The following HACE1 variants were observed in gnomAD, a reference collection of about 807,000 sequenced individuals.
HACE1 encodes E3 ubiquitin-protein ligase HACE1.
HACE1 carries 73 observed loss-of-function variants against 118.4 expected under a neutral mutation model. The ratio of observed to expected loss-of-function variants is 0.62; its 90% confidence interval spans 0.51 to 0.75. The LOEUF (loss-of-function observed/expected upper bound fraction) is 0.75. Ranked by LOEUF, HACE1 falls within the 30% of genes least tolerant of loss-of-function variation. The probability of loss-of-function intolerance (pLI) is 0.00; values close to 1 mark genes in which losing one functional copy is unlikely to be tolerated. For missense variants in HACE1, 749 were observed against 1,102.2 expected (o/e 0.68, Z 4.54); for synonymous variants, 368 against 374.8 (o/e 0.98, Z 0.21).
At chr6:104,804,083 G>C (rs1246945810) in intron 7 of HACE1, among the ~76,000 whole-genome samples, 1 of 152,068 alleles carries the variant, frequency 6.6e-6, no homozygotes, top group African/African-American at 2.4e-5. Context: ...GACAAACAGA[G>C]AGCCAAATCA....
intron 22 of HACE1, chr6:104,732,457 T>A (rs967015094): frequency 6.6e-6 from 1 of 152,094 alleles, no homozygotes; most frequent in Non-Finnish European, 1.5e-5. Context: ...AAAGGACAAA[T>A]ATTGTATGAT....
At chr6:104,778,811 CA>C (rs550961858) in intron 14 of HACE1, among the ~76,000 whole-genome samples, 11 of 140,184 alleles carry the variant, frequency 7.8e-5, no homozygotes, top group African/African-American at 1.8e-4. Flanking sequence ...CTTATCTCTA[CA>C]AAAAAAAAAG....
chr6:104,819,621 T>A (rs1349401416), intron 6 of HACE1, among the ~76,000 whole-genome samples: 1 of 152,164 alleles, frequency 6.6e-6, no homozygotes, highest in African/African-American at 2.4e-5. Flanking sequence ...GGCATCACGC[T>A]ACCCAACTTA....
intron 19 of HACE1, among the ~76,000 whole-genome samples, chr6:104,762,719 G>A (rs565318771): frequency 1.9e-4 from 29 of 151,968 alleles, no homozygotes; most frequent in Non-Finnish European, 3.4e-4. Flanking sequence ...GGCCGGGCGC[G>A]GTAGCTCACA....
In HACE1 at chr6:104,729,695, T is replaced by G; in HGVS notation, c.2697A>C (p.Leu899=). 6.4e-7 allele frequency: 1 copy of G among 1,573,690 alleles called. No individual in the cohort carries two copies. The highest frequency in any genetic ancestry group is 8.7e-7 in the Non-Finnish European group (1 of 1,143,246). The change falls in exon 24 of 24, where the codon CTA becomes CTC. Residue 899 remains leucine, a synonymous_variant. Coordinates refer to ENST00000262903, the MANE Select transcript of HACE1 (RefSeq NM_020771.4). ...EILKDRLLVA[L]HCGSYGYTMA ...TTGTGTAACCATAGCTGCCACAATG[T>G]AGTGCCACAAGAAGTCTGTCCTTGA...
At chr6:104,837,633 C>A (rs148603174) in intron 5 of HACE1, among the ~76,000 whole-genome samples, 1 of 152,134 alleles carries the variant, frequency 6.6e-6, no homozygotes, top group African/African-American at 2.4e-5. Flanking sequence ...AAAAACTGAT[C>A]AATTTGACTT....
At position 104,859,728 on chromosome 6, in the gene HACE1, G is replaced by T; in HGVS notation, c.-86C>A. ...AGAGCCCTACATCTCGCCTGGGCCC[G>T]TCCAGCAGGCGGAGACGCGGGCTTG... On this transcript the variant is annotated 5_prime_UTR_variant, in exon 1 of 24. Coordinates refer to ENST00000262903, the MANE Select transcript of HACE1 (RefSeq NM_020771.4). 1 of 1,237,606 alleles carries T rather than the reference G, an allele frequency of 8.1e-7. No homozygotes were observed. The highest frequency in any genetic ancestry group is 1.1e-6 in the Non-Finnish European group (1 of 892,310). The allele number at this position is 1,237,606 out of a possible 1,614,324, so 76.7% of individuals were successfully genotyped here.
At chr6:104,830,755 A>ATTTT (rs1263525791) in intron 6 of HACE1, among the ~76,000 whole-genome samples, 1 of 116,950 alleles carries the variant, frequency 8.6e-6, no homozygotes, top group African/African-American at 4.3e-5. Flanking sequence ...AATAAATTAC[A>ATTTT]TTCTTTTTTT....
At chr6:104,856,298 GTAAT>G (rs1386337970) in intron 1 of HACE1, among the ~76,000 whole-genome samples, 1 of 152,156 alleles carries the variant, frequency 6.6e-6, no homozygotes, top group Non-Finnish European at 1.5e-5. Context: ...ATCACATGGA[GTAAT>G]TTTTTTAAAC....
intron 6 of HACE1, among the ~76,000 whole-genome samples, chr6:104,820,853 A>C (rs1051874551): frequency 4.6e-5 from 7 of 152,178 alleles, no homozygotes; most frequent in African/African-American, 1.7e-4. Context: ...ACCCAAAAGA[A>C]ATATAAATCA....
chr6:104,749,232 A>G (rs1464011804), intron 20 of HACE1, among the ~76,000 whole-genome samples: 1 of 152,142 alleles, frequency 6.6e-6, no homozygotes, highest in African/African-American at 2.4e-5. Context: ...AGGTCTAATA[A>G]TATAATAGCT....
intron 11 of HACE1, among the ~76,000 whole-genome samples, chr6:104,787,578 A>G (rs147402248): frequency 1.2e-4 from 19 of 152,352 alleles, no homozygotes; most frequent in African/African-American, 4.1e-4. Flanking sequence ...GCTTGAAACA[A>G]AAAGAAAAAA....
At chr6:104,802,412 A>C (rs1030309675) in intron 7 of HACE1, among the ~76,000 whole-genome samples, 2 of 152,196 alleles carry the variant, frequency 1.3e-5, no homozygotes, top group African/African-American at 4.8e-5. Flanking sequence ...AACAGAATAT[A>C]CATTCTTCTC....
At chr6:104,759,943 A>G (rs1275927581) in intron 19 of HACE1, among the ~76,000 whole-genome samples, 1 of 152,198 alleles carries the variant, frequency 6.6e-6, no homozygotes, top group African/African-American at 2.4e-5. Context: ...AAACTAGAAA[A>G]TCCAGAAGAA....
intron 22 of HACE1, among the ~76,000 whole-genome samples, chr6:104,737,643 C>A (rs1350089320): frequency 1.3e-5 from 2 of 152,156 alleles, no homozygotes; most frequent in Non-Finnish European, 2.9e-5. Flanking sequence ...CGGCGCACCA[C>A]GAGATTATAT....
intron 22 of HACE1, among the ~76,000 whole-genome samples, chr6:104,740,380 G>A (rs150296992): frequency 5.6e-4 from 85 of 151,116 alleles, no homozygotes; most frequent in Non-Finnish European, 1.0e-3. Flanking sequence ...AATCCAGGAG[G>A]TGGTTTTTTG....
intron 14 of HACE1, among the ~76,000 whole-genome samples, chr6:104,783,180 C>T (rs1476318655): frequency 1.3e-5 from 2 of 152,174 alleles, no homozygotes; most frequent in Non-Finnish European, 2.9e-5. Flanking sequence ...TTTGTTTACT[C>T]CCATCAAAAT....
At position 104,776,824 on chromosome 6, in the gene HACE1, T is replaced by C; in HGVS notation, c.1781A>G (p.Gln594Arg). ...ATCAAACCACTCACGCACAACACCT[T>C]GACCCTGAATTCAAGAAATAAAATT... ...VRFHGEEGMGQGVVREWFDIL... is the reference protein window; with the variant it reads ...VRFHGEEGMGRGVVREWFDIL... Residue 594 changes from glutamine to arginine, a missense_variant, in exon 17 of 24, where the codon CAA (glutamine) becomes CGA (arginine). By Grantham distance (43) the Gln-to-Arg change is conservative (BLOSUM62 1). Around this residue, in one of 5 missense-constraint regions of HACE1, gnomAD observed 195 missense variants for 322.1 expected, o/e 0.61. Transcript: ENST00000262903. The C allele has an allele frequency of 6.3e-7, 1 of 1,599,486 alleles. No individual in the cohort carries two copies. The highest frequency in any genetic ancestry group is 1.7e-5 in the Admixed American group (1 of 59,996).
Position 104,772,032 on chromosome 6 carries a change from T to C in HACE1, c.1907A>G (p.Asp636Gly). 1 of 1,607,848 alleles carries C rather than the reference T, an allele frequency of 6.2e-7. No homozygotes were observed. The highest frequency in any genetic ancestry group is 8.5e-7 in the Non-Finnish European group (1 of 1,174,470). The change falls in exon 18 of 24, where the codon GAT (aspartate) becomes GGT (glycine). Residue 636 changes from aspartate to glycine, a missense_variant. Physicochemically the swap from Asp to Gly is moderately conservative, Grantham distance 94 (BLOSUM62 -1). Coordinates refer to ENST00000262903, the MANE Select transcript of HACE1 (RefSeq NM_020771.4). ...AGCAAACCGAAAATAGTTCAAGTGA[T>C]CAGGATTTACATAAGAGTTGCTATT... ...QPNSNSYVNP[D>G]HLNYFRFAGQ...
Sources: allele counts gnomAD v4.1 joint callset (sites outside exome capture counted in the v4.1 genomes callset), GRCh38; gene constraint gnomAD v4.1.1; regional missense constraint gnomAD v4.1.1; transcripts MANE v1.5; gene names NCBI Gene and HGNC (gene_info 2026-07-23, HGNC 2026-07-21).